The following CALCR variants were observed in gnomAD, a reference collection of about 807,000 sequenced individuals.
CALCR encodes calcitonin receptor.
CALCR carries 47 observed loss-of-function variants against 59.5 expected under a neutral mutation model. The observed-to-expected ratio is 0.79, with a 90% CI of 0.63 to 1.01. The LOEUF (loss-of-function observed/expected upper bound fraction) is 1.01, where lower values mean the gene tolerates loss of function less well. Among genes scored for constraint, CALCR ranks in the 50% least tolerant of loss-of-function variants. The pLI, the probability that CALCR is intolerant of heterozygous loss-of-function variation, is 0.00. For synonymous variants in CALCR, 213 were observed against 211.3 expected (o/e 1.01, Z -0.07); for missense variants, 566 against 597.1 (o/e 0.95, Z 0.54).
At chr7:93,438,300 T>A in intron 9 of CALCR, 30 bp from the exon 10 acceptor site, 1 of 1,561,424 alleles carries the variant, frequency 6.4e-7, no homozygotes, top group Non-Finnish European at 8.8e-7. Context: ...AAATCACACT[T>A]GGTTTCTTGG....
chr7:93,488,582 G>GCAAAAAAAAAAAAAAAAAA lies in CALCR; in HGVS notation c.-26-1576_-26-1575insTTTTTTTTTTTTTTTTTTG, dbSNP rs770479251. ...GGAAAATTTACCAAGCAAATGGAAA[G>GCAAAAAAAAAAAAAAAAAA]AAAAAAAAAAAAAAAAAAAGCATGG... On this transcript the variant is annotated intron_variant, in intron 2 of 13. Transcript: ENST00000426151. Among the ~76,000 whole-genome samples, 12 of 78,010 alleles carry GCAAAAAAAAAAAAAAAAAA rather than the reference G, an allele frequency of 1.5e-4. 1 individual carries two copies. The highest frequency in any genetic ancestry group is 4.4e-4 in the East Asian group (1 of 2,272). The allele number at this position is 78,010 out of a possible 152,430, so 51.2% of individuals were successfully genotyped here.
intron 8 of CALCR, among the ~76,000 whole-genome samples, chr7:93,458,446 T>C (rs1221347550): frequency 2.0e-5 from 3 of 152,120 alleles, no homozygotes; most frequent in Non-Finnish European, 1.5e-5. Context: ...GTGAGCTAGA[T>C]AGCTTCTATT....
intron 3 of CALCR, among the ~76,000 whole-genome samples, chr7:93,480,470 T>C (rs896884459): frequency 6.6e-6 from 1 of 151,894 alleles, no homozygotes; most frequent in African/African-American, 2.4e-5. Flanking sequence ...ATTTCTATCA[T>C]ACCCGTTGAA....
At chr7:93,564,460 TAAA>T (rs899378626) in intron 2 of CALCR, among the ~76,000 whole-genome samples, 6 of 146,298 alleles carry the variant, frequency 4.1e-5, no homozygotes, top group African/African-American at 1.2e-4. Flanking sequence ...ACTACACTTT[TAAA>T]AAAAAAAAAA....
At position 93,547,283 on chromosome 7, in the gene CALCR, T is replaced by C. The variant is rs533089177; in HGVS notation, c.-27+27006A>G. ...ATAGTTTATGTTATACATAATGCTA[T>C]AGATAGCACTGCAGTTTATTGATTT... On this transcript the variant is annotated intron_variant, in intron 2 of 13. Coordinates refer to ENST00000426151, the MANE Select transcript of CALCR (RefSeq NM_001742.4). 1.1e-3 allele frequency among the ~76,000 whole-genome samples: 161 copies of C among 152,306 alleles called. 2 individuals carry two copies. Among genetic ancestry groups the C allele is most frequent in the African/African-American group, 3.8e-3 (158 of 41,576 alleles).
intron 2 of CALCR, among the ~76,000 whole-genome samples, chr7:93,561,871 C>T (rs936875530): frequency 1.6e-4 from 25 of 152,150 alleles, no homozygotes; most frequent in Admixed American, 1.2e-3. Context: ...GCTCTGCCTT[C>T]AGTAGGAGTA....
intron 9 of CALCR, among the ~76,000 whole-genome samples, chr7:93,440,545 C>CTGTCTGTG (rs140396062): frequency 6.7e-6 from 1 of 150,260 alleles, no homozygotes; most frequent in Non-Finnish European, 1.5e-5. Flanking sequence ...GTGTGTGTGT[C>CTGTCTGTG]TGTGTGTGTG....
chr7:93,481,470 T>C (rs1800795466), intron 3 of CALCR, among the ~76,000 whole-genome samples: 1 of 151,738 alleles, frequency 6.6e-6, no homozygotes, highest in Non-Finnish European at 1.5e-5. Flanking sequence ...GAAACAGTAA[T>C]AGTCAAATAG....
intron 9 of CALCR, among the ~76,000 whole-genome samples, chr7:93,438,794 G>C (rs1200456139): frequency 6.6e-6 from 1 of 151,716 alleles, no homozygotes; most frequent in Non-Finnish European, 1.5e-5. Context: ...CTTTTAATAT[G>C]AATACTTCAG....
chr7:93,508,412 AT>A (rs577805161), intron 2 of CALCR, among the ~76,000 whole-genome samples: 2 of 151,984 alleles, frequency 1.3e-5, no homozygotes, highest in East Asian at 1.9e-4. Flanking sequence ...TTTTAAACAA[AT>A]TTTTTTTTAA....
In CALCR at chr7:93,551,654, A is replaced by C. The variant is rs554204466; in HGVS notation, c.-27+22635T>G. ...CCATCCCCTGACCCTTTGGGAAACAAATTTAAGAACCACCCTTTGTGGGGA... is the reference window on the plus strand; with the variant it reads ...CCATCCCCTGACCCTTTGGGAAACACATTTAAGAACCACCCTTTGTGGGGA... On this transcript the variant is annotated intron_variant, in intron 2 of 13. Transcript: ENST00000426151. Among the ~76,000 whole-genome samples the C allele has an allele frequency of 3.3e-5, 5 of 152,216 alleles. No individual in the cohort carries two copies. The East Asian group carries it at 7.7e-4, about 24-fold the overall frequency.
chr7:93,499,464 A>C (rs747765702), intron 2 of CALCR, among the ~76,000 whole-genome samples: 1 of 151,822 alleles, frequency 6.6e-6, no homozygotes, highest in Non-Finnish European at 1.5e-5. Context: ...TACCAATATT[A>C]ATGTGCAATG....
intron 11 of CALCR, among the ~76,000 whole-genome samples, chr7:93,436,480 C>T (rs1455598855): frequency 6.6e-6 from 1 of 152,126 alleles, no homozygotes; most frequent in Non-Finnish European, 1.5e-5. Flanking sequence ...GTAGTATTAC[C>T]TCATTCTTGT....
At chr7:93,457,313 T>C (rs944623582) in intron 8 of CALCR, among the ~76,000 whole-genome samples, 1 of 152,154 alleles carries the variant, frequency 6.6e-6, no homozygotes, top group Non-Finnish European at 1.5e-5. Flanking sequence ...CGCTGGGAAG[T>C]GAGCAGAGCA....
chr7:93,456,756 G>A (rs1800217774), intron 8 of CALCR, among the ~76,000 whole-genome samples: 1 of 152,084 alleles, frequency 6.6e-6, no homozygotes, highest in Admixed American at 6.6e-5. Context: ...GAAGAACCAG[G>A]TGCTAGTCAT....
intron 2 of CALCR, among the ~76,000 whole-genome samples, chr7:93,512,000 C>T (rs1801557041): frequency 6.6e-6 from 1 of 152,130 alleles, no homozygotes; most frequent in Admixed American, 6.6e-5. Flanking sequence ...TAAATCCGCC[C>T]AGTTTTAATT....
chr7:93,524,860 G>T (rs1342783250), intron 2 of CALCR, among the ~76,000 whole-genome samples: 1 of 151,938 alleles, frequency 6.6e-6, no homozygotes, highest in African/African-American at 2.4e-5. Context: ...TGTCCCTACT[G>T]GTTTCTACTA....
At chr7:93,480,957 T>C (rs1800782958) in intron 3 of CALCR, among the ~76,000 whole-genome samples, 3 of 151,852 alleles carry the variant, frequency 2.0e-5, no homozygotes. Context: ...GTCAGGACTT[T>C]GCTTTCAAGA....
intron 5 of CALCR, 99 bp downstream of exon 5, chr7:93,477,459 T>G: frequency 1.4e-6 from 1 of 703,290 alleles, no homozygotes; most frequent in Admixed American, 2.5e-5. Flanking sequence ...ATGTGGAGTA[T>G]GATTAGGTGG....
Sources: gnomAD v4.1 joint callset for allele counts (sites outside exome capture counted in the v4.1 genomes callset) on GRCh38, gnomAD v4.1.1 for gene constraint, MANE v1.5 for transcripts, NCBI Gene and HGNC (gene_info 2026-07-23, HGNC 2026-07-21) for gene names.